PTPRM: variants seen among roughly 807,000 people sequenced by gnomAD.
The protein encoded by PTPRM is receptor-type tyrosine-protein phosphatase mu.
A neutral mutation model predicts 186.7 loss-of-function variants in PTPRM; 47 were observed. The observed-to-expected ratio is 0.25, with a 90% confidence interval of 0.20 to 0.32. PTPRM has a LOEUF of 0.32. Ranked by LOEUF, PTPRM falls within the 10% of genes least tolerant of loss-of-function variation. PTPRM has a pLI of 1.00. For missense variants in PTPRM, 1,494 were observed against 1,865.0 expected (o/e 0.80, Z 3.66); for synonymous variants, 668 against 674.9 (o/e 0.99, Z 0.16).
intron 20 of PTPRM, among the ~76,000 whole-genome samples, chr18:8,306,932 T>C (rs1232002232): frequency 6.6e-6 from 1 of 152,240 alleles, no homozygotes; most frequent in Non-Finnish European, 1.5e-5. Context: ...GAATGGTTGA[T>C]ACATATTTGT....
At chr18:8,322,825 T>G (rs1374415980) in intron 22 of PTPRM, among the ~76,000 whole-genome samples, 1 of 151,980 alleles carries the variant, frequency 6.6e-6, no homozygotes, top group East Asian at 1.9e-4. Context: ...TGATTTTTGT[T>G]TGGTTTTGTT....
chr18:7,873,986 G>A (rs558493617), intron 2 of PTPRM, among the ~76,000 whole-genome samples: 6 of 150,700 alleles, frequency 4.0e-5, no homozygotes, highest in Admixed American at 1.3e-4. Context: ...GGTGTCGAAA[G>A]TGTAAATTTG....
chr18:8,279,555 A>C (rs2094877713), intron 19 of PTPRM, among the ~76,000 whole-genome samples: 1 of 152,140 alleles, frequency 6.6e-6, no homozygotes, highest in Non-Finnish European at 1.5e-5. Flanking sequence ...AGTGGGGTGG[A>C]GCTGCCTCTA....
At chr18:8,174,465 G>C (rs2093451884) in intron 14 of PTPRM, among the ~76,000 whole-genome samples, 1 of 152,104 alleles carries the variant, frequency 6.6e-6, no homozygotes, top group African/African-American at 2.4e-5. Flanking sequence ...AAAGACATAT[G>C]GGTTTGAGGT....
At chr18:7,687,177 A>G (rs1289667455) in intron 1 of PTPRM, among the ~76,000 whole-genome samples, 1 of 152,164 alleles carries the variant, frequency 6.6e-6, no homozygotes, top group Non-Finnish European at 1.5e-5. Context: ...AAATATTGAT[A>G]ATGTAATTTT....
At chr18:7,767,724 A>T (rs1212059485) in intron 1 of PTPRM, among the ~76,000 whole-genome samples, 2 of 152,224 alleles carry the variant, frequency 1.3e-5, no homozygotes, top group Non-Finnish European at 2.9e-5. Context: ...AAAAAAAAAG[A>T]AAGAGAATTC....
At chr18:8,353,527 G>A (rs1025599950) in intron 23 of PTPRM, among the ~76,000 whole-genome samples, 4 of 152,026 alleles carry the variant, frequency 2.6e-5, no homozygotes, top group Non-Finnish European at 5.9e-5. Context: ...TGGGTGTTAT[G>A]GTGGGTAGGT....
At chr18:7,773,585 T>G (rs978806) in intron 1 of PTPRM, among the ~76,000 whole-genome samples, 83,139 of 134,014 alleles carry the variant, frequency 0.62, 25,939 homozygotes, top group East Asian at 0.94. Context: ...TTTTTTTTTT[T>G]TTTGTTTGTT....
At chr18:8,235,455 T>C (rs1347459915) in intron 14 of PTPRM, among the ~76,000 whole-genome samples, 2 of 131,034 alleles carry the variant, frequency 1.5e-5, no homozygotes, top group Non-Finnish European at 3.2e-5. Flanking sequence ...ATCTGTGTCT[T>C]CTTTTTTTTT....
chr18:7,758,194 A>C (rs2041599010), intron 1 of PTPRM, among the ~76,000 whole-genome samples: 1 of 152,158 alleles, frequency 6.6e-6, no homozygotes, highest in African/African-American at 2.4e-5. Flanking sequence ...GGAATTATAA[A>C]ATTTGCACAG....
At chr18:7,693,302 A>T (rs897462486) in intron 1 of PTPRM, among the ~76,000 whole-genome samples, 2 of 152,170 alleles carry the variant, frequency 1.3e-5, no homozygotes, top group African/African-American at 2.4e-5. Flanking sequence ...TGAAGGTAAG[A>T]GCTGTTCTTA....
chr18:8,167,487 C>T (rs1230591468), intron 14 of PTPRM, among the ~76,000 whole-genome samples: 1 of 152,212 alleles, frequency 6.6e-6, no homozygotes, highest in African/African-American at 2.4e-5. Flanking sequence ...GAAATTTCTT[C>T]TGTGTTCTTA....
At position 8,406,820 on chromosome 18, in the gene PTPRM, A is replaced by G. The variant is rs988142607; in HGVS notation, c.*658A>G. The G allele has an allele frequency of 6.6e-6, 1 of 152,246 alleles. No homozygotes were observed. Among genetic ancestry groups the G allele is most frequent in the Non-Finnish European group, 1.5e-5 (1 of 68,044 alleles). 9.4% of individuals were successfully genotyped at this position (152,246 alleles called of 1,614,324 possible). ...TTATATTGTAAATATTTTTGATTTC[A>G]TCAAATTATTTATTCATTAAAAGAA... On this transcript the variant is annotated 3_prime_UTR_variant, in exon 33 of 33. Coordinates refer to ENST00000580170, the MANE Select transcript of PTPRM (RefSeq NM_001105244.2).
intron 1 of PTPRM, among the ~76,000 whole-genome samples, chr18:7,705,315 CTA>C (rs1295581459): frequency 6.6e-5 from 10 of 150,948 alleles, no homozygotes; most frequent in African/African-American, 2.4e-4. Context: ...ATCTATCTAT[CTA>C]TCTATCTATC....
intron 2 of PTPRM, among the ~76,000 whole-genome samples, chr18:7,808,448 T>G (rs889849877): frequency 6.6e-6 from 1 of 152,236 alleles, no homozygotes; most frequent in African/African-American, 2.4e-5. Context: ...AATCTGTGTC[T>G]TCTTAATTTA....
rs192824330 is a variant in PTPRM at position 7,985,368 on chromosome 18, T to G, written c.1132+29954T>G. ...ACATAAATATATACATATACTGGTA[T>G]ATACGTATATAAATATATACATATA... On this transcript the variant is annotated intron_variant, in intron 7 of 32. Transcript: ENST00000580170. Among the ~76,000 whole-genome samples the G allele has an allele frequency of 4.8e-3, 489 of 102,588 alleles. 35 individuals carry two copies. Among genetic ancestry groups the G allele is most frequent in the African/African-American group, 0.013 (266 of 19,712 alleles). 67.3% of individuals were successfully genotyped at this position (102,588 alleles called of 152,430 possible). A position where few individuals can be genotyped will look rare whatever the true frequency, so the allele number is the denominator to read the frequency against.
At chr18:8,145,473 C>T (rs1035970709) in intron 14 of PTPRM, among the ~76,000 whole-genome samples, 15 of 152,162 alleles carry the variant, frequency 9.9e-5, no homozygotes, top group African/African-American at 2.7e-4. Flanking sequence ...CCCTCCCTTA[C>T]CGCCCTACCC....
At chr18:8,307,102 C>T (rs1370324271) in intron 20 of PTPRM, among the ~76,000 whole-genome samples, 1 of 152,196 alleles carries the variant, frequency 6.6e-6, no homozygotes, top group South Asian at 2.1e-4. Context: ...TCTGCAGTTT[C>T]TGTGCCAAGT....
chr18:7,917,577 TA>T (rs1040554178), intron 4 of PTPRM, among the ~76,000 whole-genome samples: 2 of 152,154 alleles, frequency 1.3e-5, no homozygotes, highest in African/African-American at 4.8e-5. Flanking sequence ...TATAAGTGCA[TA>T]TTTGGGGGTA....
Sources: gnomAD v4.1 joint callset for allele counts (sites outside exome capture counted in the v4.1 genomes callset) on GRCh38, gnomAD v4.1.1 for gene constraint, MANE v1.5 for transcripts, NCBI Gene and HGNC (gene_info 2026-07-23, HGNC 2026-07-21) for gene names.